PCED1B: variants seen among roughly 807,000 people sequenced by gnomAD.
PCED1B encodes the protein PC-esterase domain-containing protein 1B.
For synonymous variants in PCED1B, 251 were observed against 246.1 expected (o/e 1.02, Z -0.19); for missense variants, 573 against 573.9 (o/e 1.00, Z 0.02).
At chr12:47,095,125 G>A (rs1453922867) in intron 1 of PCED1B, among the ~76,000 whole-genome samples, 1 of 145,598 alleles carries the variant, frequency 6.9e-6, no homozygotes, top group Non-Finnish European at 1.5e-5. Context: ...TGCCTAGGCT[G>A]AGATTATTTT....
intron 2 of PCED1B, among the ~76,000 whole-genome samples, chr12:47,185,090 G>C (rs1253299762): frequency 6.6e-6 from 1 of 152,152 alleles, no homozygotes; most frequent in Non-Finnish European, 1.5e-5. Flanking sequence ...ACAAGATGTT[G>C]CTGCATCTCC....
rs75661804 is a variant in PCED1B, at chr12:47,154,326, A to G, written c.-526+50131A>G. On this transcript the variant is annotated intron_variant, in intron 2 of 3. Coordinates refer to ENST00000546455, the MANE Select transcript of PCED1B (RefSeq NM_138371.3). ...ACTTCCTTATGAGCACTACGAAAAC[A>G]CTCATTTGAATCATGCTTAGCACCT... Among the ~76,000 whole-genome samples, 1,158 of 152,090 alleles carry G rather than the reference A, an allele frequency of 7.6e-3. 13 individuals are homozygous for G. Among genetic ancestry groups the G allele is most frequent in the African/African-American group, 0.026 (1,089 of 41,492 alleles).
intron 2 of PCED1B, among the ~76,000 whole-genome samples, chr12:47,207,702 C>T (rs1942953589): frequency 6.6e-6 from 1 of 152,194 alleles, no homozygotes; most frequent in Non-Finnish European, 1.5e-5. Context: ...CTTCATCAGA[C>T]ACAATCACAA....
chr12:47,225,038 TCTC>T (rs1297071250), intron 3 of PCED1B, among the ~76,000 whole-genome samples: 12 of 152,252 alleles, frequency 7.9e-5, no homozygotes, highest in Middle Eastern at 3.4e-3. Context: ...TTCAAATGAT[TCTC>T]CTGCCTCAGC....
intron 3 of PCED1B, among the ~76,000 whole-genome samples, chr12:47,218,881 C>T (rs890232056): frequency 6.6e-6 from 1 of 151,996 alleles, no homozygotes. Context: ...TGACTCAGGC[C>T]TGTAATCCCA....
chr12:47,216,101 C>A (rs1334294832), intron 2 of PCED1B, 121 bp from the exon 3 acceptor site: 1 of 152,066 alleles, frequency 6.6e-6, no homozygotes, highest in Non-Finnish European at 1.5e-5. Context: ...AACTGTAACA[C>A]CTTGCACAGA....
chr12:47,101,025 G>A (rs990945224), intron 1 of PCED1B, among the ~76,000 whole-genome samples: 4 of 152,008 alleles, frequency 2.6e-5, no homozygotes, highest in African/African-American at 7.3e-5. Flanking sequence ...AGCCGAGATC[G>A]TGCCTCTGCA....
chr12:47,198,105 A>G (rs866125851), intron 2 of PCED1B, among the ~76,000 whole-genome samples: 2 of 152,236 alleles, frequency 1.3e-5, no homozygotes, highest in African/African-American at 2.4e-5. Flanking sequence ...GGAAAACTAC[A>G]GACTCATATC....
At chr12:47,174,296 C>G (rs556364308) in intron 2 of PCED1B, among the ~76,000 whole-genome samples, 4 of 152,116 alleles carry the variant, frequency 2.6e-5, no homozygotes, top group African/African-American at 7.2e-5. Context: ...GTAATTCCAG[C>G]TACTCGGGAG....
chr12:47,180,109 C>T (rs2137597158), intron 2 of PCED1B, among the ~76,000 whole-genome samples: 1 of 152,292 alleles, frequency 6.6e-6, no homozygotes, highest in East Asian at 1.9e-4. Flanking sequence ...CACCCCCCAA[C>T]AGGCCCCAGT....
intron 1 of PCED1B, among the ~76,000 whole-genome samples, chr12:47,082,823 T>TGGAATG (rs1424702309): frequency 2.0e-5 from 3 of 152,048 alleles, no homozygotes; most frequent in African/African-American, 7.3e-5. Flanking sequence ...GGTTCCAACC[T>TGGAATG]GGAATGGGTT....
chr12:47,105,101 C>T (rs552442452), intron 2 of PCED1B, among the ~76,000 whole-genome samples: 12 of 152,262 alleles, frequency 7.9e-5, no homozygotes, highest in African/African-American at 2.6e-4. Flanking sequence ...TTTCTTTTGC[C>T]GCTTCAGGCT....
At chr12:47,123,753 A>G (rs1939773041) in intron 2 of PCED1B, among the ~76,000 whole-genome samples, 2 of 152,028 alleles carry the variant, frequency 1.3e-5, no homozygotes, top group African/African-American at 4.8e-5. Context: ...CTCTTTTTGT[A>G]TCTATTATAC....
intron 2 of PCED1B, among the ~76,000 whole-genome samples, chr12:47,188,607 C>T (rs984850349): frequency 6.6e-6 from 1 of 152,130 alleles, no homozygotes; most frequent in Admixed American, 6.6e-5. Flanking sequence ...CAATGTGTAC[C>T]TGAACATCCA....
chr12:47,150,621 G>GA, intron 2 of PCED1B, among the ~76,000 whole-genome samples: 1 of 151,768 alleles, frequency 6.6e-6, no homozygotes, highest in South Asian at 2.1e-4. Flanking sequence ...CTCTTGAACA[G>GA]AAGCCTGAAG....
chr12:47,106,611 C>G lies in PCED1B; in HGVS notation c.-526+2416C>G, dbSNP rs535642622. Reference sequence around the variant, plus strand: ...CAGGCCCCAGACTGTAGGCGTCGAGCCTCCTCATAGGGTCCCTGGGCGCCC... The same window carrying G: ...CAGGCCCCAGACTGTAGGCGTCGAGGCTCCTCATAGGGTCCCTGGGCGCCC... On this transcript the variant is annotated intron_variant, in intron 2 of 3. Coordinates refer to ENST00000546455, the MANE Select transcript of PCED1B (RefSeq NM_138371.3). Among the ~76,000 whole-genome samples, 107 of 152,302 alleles carry G rather than the reference C, an allele frequency of 7.0e-4. 1 individual carries two copies. In the South Asian group the frequency reaches 0.021, roughly 30 times the overall value.
At chr12:47,188,367 G>T (rs1942340685) in intron 2 of PCED1B, among the ~76,000 whole-genome samples, 1 of 152,254 alleles carries the variant, frequency 6.6e-6, no homozygotes, top group African/African-American at 2.4e-5. Flanking sequence ...ATTCAGGAAG[G>T]GTGTTAGCTG....
intron 2 of PCED1B, among the ~76,000 whole-genome samples, chr12:47,194,153 A>G (rs536994525): frequency 5.9e-5 from 9 of 152,066 alleles, no homozygotes; most frequent in African/African-American, 1.9e-4. Flanking sequence ...CTGTCTCCCC[A>G]CTGCCTGCCT....
chr12:47,223,373 TTAAAG>T (rs1943543019), intron 3 of PCED1B: 1 of 151,700 alleles, frequency 6.6e-6, no homozygotes, highest in Admixed American at 6.6e-5. Flanking sequence ...CAGAGCCAAA[TTAAAG>T]TAAACGGAGG....
Sources: allele counts gnomAD v4.1 joint callset (sites outside exome capture counted in the v4.1 genomes callset), GRCh38; gene constraint gnomAD v4.1.1; transcripts MANE v1.5; gene names NCBI Gene and HGNC (gene_info 2026-07-23, HGNC 2026-07-21).